Variants in GRM8 observed in about 807,000 individuals in gnomAD.
The protein encoded by GRM8 is metabotropic glutamate receptor 8.
Under a neutral mutation model 87.2 loss-of-function variants are expected in GRM8, and 47 were observed. That is an observed-to-expected ratio of 0.54 (90% CI 0.43 to 0.69). The LOEUF is 0.69. GRM8 is among the 30% of genes least tolerant of loss of function. The pLI, the probability that GRM8 is intolerant of heterozygous loss-of-function variation, is 0.00. For missense variants in GRM8, 1,019 were observed against 1,139.2 expected (o/e 0.89, Z 1.52); for synonymous variants, 396 against 404.5 (o/e 0.98, Z 0.25).
intron 3 of GRM8, among the ~76,000 whole-genome samples, chr7:126,996,820 G>A (rs1813220601): frequency 6.6e-6 from 1 of 151,936 alleles, no homozygotes; most frequent in Non-Finnish European, 1.5e-5. Context: ...TAAGGAGAGA[G>A]ACAGACCTCA....
intron 9 of GRM8, among the ~76,000 whole-genome samples, chr7:126,450,335 T>C (rs1563018948): frequency 6.6e-6 from 1 of 151,874 alleles, no homozygotes; most frequent in Non-Finnish European, 1.5e-5. Flanking sequence ...AAAGCAACTT[T>C]ATGCCACGTG....
chr7:126,759,461 C>A (rs1231169004), intron 7 of GRM8, among the ~76,000 whole-genome samples: 1 of 152,000 alleles, frequency 6.6e-6, no homozygotes. Context: ...CCCACCTGGT[C>A]CATTCTAGAT....
intron 9 of GRM8, among the ~76,000 whole-genome samples, chr7:126,452,476 C>G (rs11979427): frequency 0.062 from 9,298 of 150,032 alleles, 370 homozygotes; most frequent in Middle Eastern, 0.11. Flanking sequence ...AACAGACATT[C>G]TCTATAATCT....
intron 2 of GRM8, among the ~76,000 whole-genome samples, chr7:127,164,169 C>T (rs1462377522): frequency 6.6e-6 from 1 of 152,084 alleles, no homozygotes; most frequent in Non-Finnish European, 1.5e-5. Flanking sequence ...CCTGCTCTGG[C>T]CATGCGATGT....
intron 2 of GRM8, among the ~76,000 whole-genome samples, chr7:127,195,464 G>C (rs568227901): frequency 4.2e-4 from 64 of 152,222 alleles, no homozygotes; most frequent in African/African-American, 1.5e-3. Context: ...AACTAGTTAA[G>C]CCGCATACCT....
At chr7:127,153,623 G>A (rs1792540662) in intron 2 of GRM8, among the ~76,000 whole-genome samples, 1 of 152,120 alleles carries the variant, frequency 6.6e-6, no homozygotes, top group South Asian at 2.1e-4. Context: ...TAGGCAATTT[G>A]AAGTTGGTGA....
Position 126,476,667 on chromosome 7 carries a change from G to A in GRM8, c.2431-30295C>T, listed in dbSNP as rs544283694. The stretch of plus-strand genomic sequence containing the variant: ...GACACTCAACAATAATAATCACCAA[G>A]GAAATGCAAATCAAAACAACAATGA... On this transcript the variant is annotated intron_variant, in intron 9 of 10. Coordinates refer to ENST00000339582, the MANE Select transcript of GRM8 (RefSeq NM_000845.3). 2.6e-5 allele frequency among the ~76,000 whole-genome samples: 4 copies of A among 151,980 alleles called. No individual in the cohort carries two copies. The East Asian group carries it at 7.8e-4, about 29-fold the overall frequency.
At chr7:126,894,376 G>T (rs532570214) in intron 6 of GRM8, among the ~76,000 whole-genome samples, 4 of 151,994 alleles carry the variant, frequency 2.6e-5, no homozygotes, top group African/African-American at 7.2e-5. Flanking sequence ...ATATTCCAGA[G>T]ATTGTGTTTA....
intron 7 of GRM8, among the ~76,000 whole-genome samples, chr7:126,652,506 G>C (rs539541567): frequency 3.9e-5 from 6 of 152,276 alleles, no homozygotes; most frequent in Non-Finnish European, 7.4e-5. Context: ...CTTCATCTGG[G>C]TGACAAAGAG....
intron 2 of GRM8, among the ~76,000 whole-genome samples, chr7:127,139,318 A>G (rs868320411): frequency 3.9e-5 from 6 of 152,118 alleles, no homozygotes; most frequent in African/African-American, 1.4e-4. Context: ...CAGAAAAGAG[A>G]TAACAAAATG....
At chr7:126,830,108 C>T (rs1254038011) in intron 6 of GRM8, among the ~76,000 whole-genome samples, 11 of 152,082 alleles carry the variant, frequency 7.2e-5, no homozygotes, top group Admixed American at 5.2e-4. Context: ...GAGGGTAACC[C>T]GAGCTTTCTC....
At chr7:127,110,229 C>T (rs1462832965) in intron 2 of GRM8, among the ~76,000 whole-genome samples, 4 of 152,110 alleles carry the variant, frequency 2.6e-5, no homozygotes, top group Admixed American at 2.0e-4. Flanking sequence ...TTTTTGTGAA[C>T]TGCCCTTTCA....
At chr7:126,833,298 A>T (rs1268002280) in intron 6 of GRM8, among the ~76,000 whole-genome samples, 1 of 152,216 alleles carries the variant, frequency 6.6e-6, no homozygotes, top group Admixed American at 6.5e-5. Context: ...ATTTGCGAGA[A>T]CTTATCATCT....
At chr7:126,803,455 G>A (rs1380939336) in intron 6 of GRM8, among the ~76,000 whole-genome samples, 1 of 152,180 alleles carries the variant, frequency 6.6e-6, no homozygotes, top group Non-Finnish European at 1.5e-5. Flanking sequence ...AAGGTAATGA[G>A]AAGCAAGGTT....
intron 9 of GRM8, among the ~76,000 whole-genome samples, chr7:126,468,370 C>A (rs551703145): frequency 6.6e-6 from 1 of 152,098 alleles, no homozygotes; most frequent in South Asian, 2.1e-4. Context: ...CCTTTCAATC[C>A]TTTTCATTTC....
intron 6 of GRM8, among the ~76,000 whole-genome samples, chr7:126,820,444 A>G (rs986259673): frequency 1.3e-5 from 2 of 152,196 alleles, no homozygotes; most frequent in African/African-American, 4.8e-5. Flanking sequence ...CCTCATTTCC[A>G]TTGGTTAGAT....
intron 9 of GRM8, among the ~76,000 whole-genome samples, chr7:126,506,670 T>C (rs181677171): frequency 1.0e-3 from 157 of 151,894 alleles, no homozygotes; most frequent in African/African-American, 3.5e-3. Flanking sequence ...CCCCAGCTAC[T>C]TGAGAGGCTG....
intron 3 of GRM8, among the ~76,000 whole-genome samples, chr7:127,028,964 T>C (rs1213251664): frequency 6.6e-6 from 1 of 152,194 alleles, no homozygotes; most frequent in African/African-American, 2.4e-5. Flanking sequence ...CTTTCTTTTG[T>C]GGGCATTTAG....
At chr7:127,230,190 G>T (rs1320295157) in intron 2 of GRM8, among the ~76,000 whole-genome samples, 1 of 146,598 alleles carries the variant, frequency 6.8e-6, no homozygotes, top group East Asian at 2.0e-4. Context: ...CCCTCTGGGT[G>T]CTCTGTGCTC....
Sources: allele counts gnomAD v4.1 joint callset (sites outside exome capture counted in the v4.1 genomes callset), GRCh38; gene constraint gnomAD v4.1.1; transcripts MANE v1.5; gene names NCBI Gene and HGNC (gene_info 2026-07-23, HGNC 2026-07-21).